Variants in RYR3 observed in about 807,000 individuals in gnomAD.
RYR3 encodes the protein ryanodine receptor 3, also known as brain ryanodine receptor-calcium release channel.
RYR3 carries 207 observed loss-of-function variants against 584.3 expected under a neutral mutation model. The observed-to-expected ratio is 0.35, with a 90% CI of 0.32 to 0.40. RYR3 has a LOEUF of 0.40. Among genes scored for constraint, RYR3 ranks in the 10% least tolerant of loss-of-function variants. RYR3 has a pLI of 1.00. For synonymous variants in RYR3, 2,416 were observed against 2,248.5 expected (o/e 1.07, Z -2.11); for missense variants, 5,616 against 6,089.2 (o/e 0.92, Z 2.59).
intron 49 of RYR3, 130 bp downstream of exon 49, chr15:33,736,455 A>G (rs2069470396): frequency 1.7e-6 from 1 of 605,330 alleles, no homozygotes; most frequent in Non-Finnish European, 2.8e-6. Context: ...GTTGATGGTT[A>G]GCTAACAAGA....
chr15:33,407,230 T>C (rs28566012), intron 1 of RYR3, among the ~76,000 whole-genome samples: 13,912 of 152,294 alleles, frequency 0.091, 768 homozygotes, highest in African/African-American at 0.14. Context: ...ATACCACCAC[T>C]GTGGGGATCA....
At chr15:33,674,791 GAAA>G (rs10714497) in intron 38 of RYR3, among the ~76,000 whole-genome samples, 5 of 133,628 alleles carry the variant, frequency 3.7e-5, no homozygotes, top group Admixed American at 1.5e-4. Context: ...CATTTTTAAT[GAAA>G]AAAAAAAAAA....
intron 1 of RYR3, among the ~76,000 whole-genome samples, chr15:33,328,236 C>T (rs1969971729): frequency 6.6e-6 from 1 of 152,198 alleles, no homozygotes; most frequent in South Asian, 2.1e-4. Flanking sequence ...CTACATCCAT[C>T]CTATTTCCAC....
At position 33,594,808 on chromosome 15, in the gene RYR3, A is replaced by G. The variant is rs140876001; in HGVS notation, c.1789-6611A>G. ...GCCATAGTTAAAAGAAACAATTGACAAGGAAATTTGTTACCTCTGTGGCAC... is the reference window on the plus strand; with the variant it reads ...GCCATAGTTAAAAGAAACAATTGACGAGGAAATTTGTTACCTCTGTGGCAC... On this transcript the variant is annotated intron_variant, in intron 16 of 103. Coordinates refer to ENST00000634891, the MANE Select transcript of RYR3 (RefSeq NM_001036.6). Among the ~76,000 whole-genome samples, 1,084 of 152,350 alleles carry G rather than the reference A, an allele frequency of 7.1e-3. 8 individuals carry two copies. The highest frequency in any genetic ancestry group is 0.025 in the African/African-American group (1,021 of 41,588).
chr15:33,692,743 T>C (rs1042449306), intron 38 of RYR3, among the ~76,000 whole-genome samples: 3 of 152,096 alleles, frequency 2.0e-5, no homozygotes, highest in Non-Finnish European at 4.4e-5. Flanking sequence ...TGCTGCTTCA[T>C]GCTTTGAGGC....
intron 87 of RYR3, among the ~76,000 whole-genome samples, chr15:33,835,310 ACC>A (rs1288296559): frequency 1.6e-4 from 2 of 12,130 alleles, no homozygotes; most frequent in Non-Finnish European, 2.9e-4. Flanking sequence ...TGTCTCACCA[ACC>A]TACCCTTATT....
intron 1 of RYR3, among the ~76,000 whole-genome samples, chr15:33,325,947 A>G (rs1969643900): frequency 6.6e-6 from 1 of 152,010 alleles, no homozygotes; most frequent in African/African-American, 2.4e-5. Context: ...GACTACAGGC[A>G]TGTGCCACCA....
intron 1 of RYR3, among the ~76,000 whole-genome samples, chr15:33,393,289 G>A (rs1383623108): frequency 2.6e-5 from 4 of 152,198 alleles, no homozygotes; most frequent in African/African-American, 7.2e-5. Context: ...TCGCATAACC[G>A]TGATTTGCTT....
intron 1 of RYR3, among the ~76,000 whole-genome samples, chr15:33,365,584 G>A (rs746436222): frequency 6.6e-6 from 1 of 152,166 alleles, no homozygotes; most frequent in Admixed American, 6.5e-5. Flanking sequence ...CCCAGCTTAA[G>A]TTCAGCAAAA....
At chr15:33,472,329 G>A (rs1480204299) in intron 1 of RYR3, among the ~76,000 whole-genome samples, 5 of 152,102 alleles carry the variant, frequency 3.3e-5, no homozygotes, top group Non-Finnish European at 7.3e-5. Flanking sequence ...TCTTCACTTC[G>A]TAGGCACATT....
chr15:33,454,657 G>T (rs577683800), intron 1 of RYR3, among the ~76,000 whole-genome samples: 5 of 152,260 alleles, frequency 3.3e-5, no homozygotes, highest in African/African-American at 9.6e-5. Context: ...GCACAATGAT[G>T]GACCCTCCCA....
chr15:33,669,261 T>A, intron 36 of RYR3, 93 bp from the exon 37 acceptor site: 1 of 860,516 alleles, frequency 1.2e-6, no homozygotes, highest in Non-Finnish European at 1.7e-6. Context: ...AAAATAAATT[T>A]GAAAAGAATG....
At chr15:33,437,111 A>C (rs1596134082) in intron 1 of RYR3, among the ~76,000 whole-genome samples, 1 of 134,488 alleles carries the variant, frequency 7.4e-6, no homozygotes, top group East Asian at 2.1e-4. Context: ...TGAGAGAGAG[A>C]GATAGAGTGT....
Position 33,837,964 on chromosome 15 carries a change from C to G in RYR3, c.11984C>G (p.Ala3995Gly), listed in dbSNP as rs763397370. The change falls in exon 89 of 104, where the codon GCT becomes GGT. Residue 3995 changes from alanine to glycine, a missense_variant. Ala to Gly is a moderately conservative substitution (Grantham distance 60). Around this residue, in one of 9 missense-constraint regions of RYR3, gnomAD observed 258 missense variants for 297.3 expected, o/e 0.87. Transcript: ENST00000634891. The stretch of plus-strand genomic sequence containing the variant: ...GCCAAGGACATAGGGTTTAATGTGG[C>G]TGTGTTATTGACAAATCTTTCTGAA... ...EPAKDIGFNV[A>G]VLLTNLSEHM... The G allele has an allele frequency of 1.2e-6, 2 of 1,613,974 alleles. No individual in the cohort carries two copies. The highest frequency in any genetic ancestry group is 2.2e-5 in the East Asian group (1 of 44,880).
intron 19 of RYR3, among the ~76,000 whole-genome samples, chr15:33,620,609 T>C (rs2060678952): frequency 6.6e-6 from 1 of 152,240 alleles, no homozygotes; most frequent in Admixed American, 6.5e-5. Flanking sequence ...TTCAAGTATT[T>C]TGTTACCTTC....
chr15:33,729,725 C>G (rs1267024670), intron 47 of RYR3, among the ~76,000 whole-genome samples: 1 of 151,840 alleles, frequency 6.6e-6, no homozygotes, highest in Non-Finnish European at 1.5e-5. Context: ...AAAGGTACAC[C>G]AGGAGTCATA....
At chr15:33,745,749 C>T (rs867521202) in intron 52 of RYR3, among the ~76,000 whole-genome samples, 4 of 152,132 alleles carry the variant, frequency 2.6e-5, no homozygotes, top group African/African-American at 7.2e-5. Flanking sequence ...GTTCTTCCTG[C>T]GAGGGGAGTA....
At chr15:33,602,191 C>T (rs997657411) in intron 17 of RYR3, among the ~76,000 whole-genome samples, 1 of 152,210 alleles carries the variant, frequency 6.6e-6, no homozygotes, top group African/African-American at 2.4e-5. Context: ...TGCAGAGTGG[C>T]CCAAAGACCT....
chr15:33,865,216 A>G lies in RYR3; in HGVS notation c.14603A>G (p.Gln4868Arg). 1.9e-6 allele frequency: 3 copies of G among 1,612,428 alleles called. No individual in the cohort carries two copies. Among genetic ancestry groups the G allele is most frequent in the South Asian group, 2.2e-5 (2 of 90,886 alleles). Residue 4868 changes from glutamine (Q) to arginine (R), a missense_variant, in exon 104 of 104, where the codon CAG becomes CGG. Transcript: ENST00000634891. ...GDCFRKQYED[Q>R]LG ...TGCTTTCGTAAACAATATGAAGATCAGCTTGGATAAATCTGAATCAAAGAA... is the reference window on the plus strand; with the variant it reads ...TGCTTTCGTAAACAATATGAAGATCGGCTTGGATAAATCTGAATCAAAGAA...
Sources: gnomAD v4.1 joint callset for allele counts (sites outside exome capture counted in the v4.1 genomes callset) on GRCh38, gnomAD v4.1.1 for gene constraint, gnomAD v4.1.1 regional missense constraint, MANE v1.5 for transcripts, NCBI Gene and HGNC (gene_info 2026-07-23, HGNC 2026-07-21) for gene names.